Variants in TTLL3 observed in about 807,000 individuals in gnomAD.
The protein encoded by TTLL3 is tubulin monoglycylase TTLL3.
In TTLL3, 63 loss-of-function variants were observed where a neutral mutation model predicts 75.2. The observed-to-expected ratio is 0.84, with a 90% CI of 0.68 to 1.03. TTLL3 has a LOEUF of 1.03. TTLL3 is among the 50% of genes least tolerant of loss of function. TTLL3 has a pLI of 0.00. For synonymous variants in TTLL3, 393 were observed against 418.5 expected, an observed-to-expected ratio of 0.94 and a Z score of 0.74; for missense variants, 997 against 1,069.9, an observed-to-expected ratio of 0.93 and a Z score of 0.95.
chr3:9,814,599 G>C (rs2079650207), intron 4 of TTLL3, among the ~76,000 whole-genome samples: 2 of 151,874 alleles, frequency 1.3e-5, no homozygotes, highest in South Asian at 4.1e-4. Context: ...AGTGAGCTGA[G>C]ATCGCGCCAC....
Position 9,813,786 on chromosome 3 carries a change from A to G in TTLL3, c.315+441A>G, listed in dbSNP as rs9826830. Among the ~76,000 whole-genome samples the G allele has an allele frequency of 2.1e-3, 327 of 152,204 alleles. 2 individuals carry two copies. Among genetic ancestry groups the G allele is most frequent in the African/African-American group, 7.4e-3 (307 of 41,534 alleles). ...GGCAGCAAAGCAAGACTCTATCTCT[A>G]AAAAAGAAATAAGTGAATAAAGGCT... On this transcript the variant is annotated intron_variant, in intron 4 of 13. Coordinates refer to ENST00000685419, the MANE Select transcript of TTLL3 (RefSeq NM_001387446.1).
Position 9,813,264 on chromosome 3 carries a change from C to G in TTLL3, c.234C>G (p.Asp78Glu), listed in dbSNP as rs748600926. 1.2e-6 allele frequency: 2 copies of G among 1,614,174 alleles called. No homozygotes were observed. The highest frequency in any genetic ancestry group is 1.7e-5 in the Admixed American group (1 of 60,022). The change falls in exon 4 of 14, where the codon GAC (aspartate) becomes GAG (glutamate). Residue 78 changes from aspartate to glutamate, a missense_variant. Transcript: ENST00000685419. ...CATCCACAGAGGATGAAGATGAGGA[C>G]GAGGAGTTCCAGCCATCACAGCTGT... ...DTTEDEDEDE[D>E]EEFQPSQLFD...
In TTLL3 at chr3:9,835,622, G is replaced by A. The variant is rs1438324182; in HGVS notation, c.*133G>A. ...GAGCGTGAGCCTTCACTTTACAGATGAAGAAACTGAGTCTGAAAGAGGAGG... is the reference window on the plus strand; with the variant it reads ...GAGCGTGAGCCTTCACTTTACAGATAAAGAAACTGAGTCTGAAAGAGGAGG... On this transcript the variant is annotated 3_prime_UTR_variant, in exon 14 of 14. Transcript: ENST00000685419. 4 of 884,826 alleles carry A rather than the reference G, an allele frequency of 4.5e-6. No individual in the cohort carries two copies. Among genetic ancestry groups the A allele is most frequent in the Non-Finnish European group, 6.7e-6 (4 of 593,928 alleles). 54.8% of individuals were successfully genotyped at this position (884,826 alleles called of 1,614,324 possible). A position where few individuals can be genotyped will look rare whatever the true frequency, so the allele number is the denominator to read the frequency against.
At position 9,825,368 on chromosome 3, in the gene TTLL3, G is replaced by C. The variant is rs535309174; in HGVS notation, c.855-432G>C. 2.3e-4 allele frequency: 41 copies of C among 182,170 alleles called. 1 individual carries two copies. The South Asian group carries it at 2.9e-3, about 13-fold the overall frequency. The allele number at this position is 182,170 out of a possible 1,614,324, so 11.3% of individuals were successfully genotyped here. On this transcript the variant is annotated intron_variant, in intron 8 of 13. Transcript: ENST00000685419. ...AAAAAAAAAAAAGTCGGGGGGTAGG[G>C]GGTGGGTACTAGTAATACTTCCCTG... is the stretch of plus-strand genomic sequence containing the variant.
chr3:9,829,251 C>A lies in TTLL3; in HGVS notation c.1539C>A (p.Ile513=). ...GEDFQPWLIE[I]NASPTMAPST... ...ACTTCCAGCCCTGGCTGATTGAGAT[C>A]AACGCCAGCCCCACGATGGCACCCT... The change falls in exon 11 of 14, where the codon ATC becomes ATA. Residue 513 remains isoleucine, a synonymous_variant. Transcript: ENST00000685419. 1 of 1,614,216 alleles carries A rather than the reference C, an allele frequency of 6.2e-7. No homozygotes were observed. Among genetic ancestry groups the A allele is most frequent in the African/African-American group, 1.3e-5 (1 of 75,062 alleles).
intron 11 of TTLL3, among the ~76,000 whole-genome samples, chr3:9,831,923 AGCT>A (rs1268269004): frequency 4.7e-5 from 7 of 148,264 alleles, no homozygotes; most frequent in Non-Finnish European, 8.9e-5. Flanking sequence ...GATCCCGAGT[AGCT>A]GGGATTACAG....
intron 7 of TTLL3, chr3:9,820,325 T>G: frequency 7.2e-7 from 1 of 1,390,510 alleles, no homozygotes; most frequent in Non-Finnish European, 9.3e-7. Flanking sequence ...GAGCCTCGAG[T>G]GACAGGTCCT....
At chr3:9,824,745 T>C (rs1004864850) in intron 8 of TTLL3, among the ~76,000 whole-genome samples, 1 of 141,240 alleles carries the variant, frequency 7.1e-6, no homozygotes, top group African/African-American at 2.6e-5. Flanking sequence ...TTCTTTTTTT[T>C]TTTTTTTTTT....
At chr3:9,818,062 G>T in intron 6 of TTLL3, 1 of 241,680 alleles carries the variant, frequency 4.1e-6, no homozygotes, top group Admixed American at 5.2e-5. Context: ...CTTATATCAA[G>T]TTCCATTTGT....
At chr3:9,811,765 C>T (rs2079374061) in intron 2 of TTLL3, among the ~76,000 whole-genome samples, 1 of 152,218 alleles carries the variant, frequency 6.6e-6, no homozygotes, top group Non-Finnish European at 1.5e-5. Context: ...TTTCCATGTT[C>T]CACTCACTCT....
At chr3:9,829,703 G>A (rs1444800460) in intron 11 of TTLL3, among the ~76,000 whole-genome samples, 1 of 152,150 alleles carries the variant, frequency 6.6e-6, no homozygotes, top group Non-Finnish European at 1.5e-5. Flanking sequence ...TCAAATTCCT[G>A]TTCAGTGACA....
chr3:9,834,835 G>A lies in TTLL3; in HGVS notation c.1980G>A (p.Thr660=), dbSNP rs775608015. The part of the protein sequence containing the change: ...TTGKALRTLP[T]AKVFISLPPN... ...GCAAGGCCTTGAGGACTCTACCCAC[G>A]GCTAAGGTCTTCATTTCCCTCCCAC... The change falls in exon 13 of 14, where the codon ACG becomes ACA. Residue 660 remains threonine, a synonymous_variant. Transcript: ENST00000685419. The A allele has an allele frequency of 2.4e-5, 38 of 1,614,212 alleles. No homozygotes were observed. The highest frequency in any genetic ancestry group is 1.6e-4 in the Middle Eastern group (1 of 6,062).
chr3:9,820,836 C>T (rs2080341332), intron 8 of TTLL3, 95 bp downstream of exon 8: 1 of 1,510,078 alleles, frequency 6.6e-7, no homozygotes, highest in South Asian at 1.3e-5. Flanking sequence ...CCCCAAGCCT[C>T]CCGCTCGTTT....
intron 7 of TTLL3, chr3:9,820,319 C>G: frequency 7.2e-7 from 1 of 1,384,240 alleles, no homozygotes; most frequent in Non-Finnish European, 9.3e-7. Flanking sequence ...AGGGCAGAGC[C>G]TCGAGTGACA....
rs2079240897 is a variant in TTLL3 at position 9,810,471 on chromosome 3, G to T, written c.-42+77G>T. The stretch of plus-strand genomic sequence containing the variant: ...CAAGACGCTGGGGTGGAGGGACTGG[G>T]GGTCGGGAGAAGAGCGGCTGAGGGT... On this transcript the variant is annotated intron_variant, in intron 1 of 13. Transcript: ENST00000685419. The surrounding 1 kb of genome is among the most constrained non-coding windows in gnomAD (Gnocchi z 4.4). 1.4e-6 allele frequency: 2 copies of T among 1,443,028 alleles called. No individual in the cohort carries two copies. Among genetic ancestry groups the T allele is most frequent in the Non-Finnish European group, 1.8e-6 (2 of 1,100,642 alleles). The allele number at this position is 1,443,028 out of a possible 1,614,324, so 89.4% of individuals were successfully genotyped here.
In TTLL3 at chr3:9,810,730, G is replaced by A; in HGVS notation, c.48+21G>A. On this transcript the variant is annotated intron_variant, in intron 2 of 13. Coordinates refer to ENST00000685419, the MANE Select transcript of TTLL3 (RefSeq NM_001387446.1). The surrounding 1 kb of genome is among the most constrained non-coding windows in gnomAD (Gnocchi z 4.4). ...TCAAGGTCAGAGGAGGGGCAGGGGCGCTTAGAAAGGGCCCTGGGAGCGGCT... is the reference window on the plus strand; with the variant it reads ...TCAAGGTCAGAGGAGGGGCAGGGGCACTTAGAAAGGGCCCTGGGAGCGGCT... 1 of 1,571,798 alleles carries A rather than the reference G, an allele frequency of 6.4e-7. No individual in the cohort carries two copies. Among genetic ancestry groups the A allele is most frequent in the Non-Finnish European group, 8.6e-7 (1 of 1,157,890 alleles).
Position 9,835,029 on chromosome 3 carries a change from C to T in TTLL3, c.2053-65C>T, listed in dbSNP as rs2081953564. The T allele has an allele frequency of 1.9e-6, 3 of 1,590,382 alleles. No individual in the cohort carries two copies. In the East Asian group the frequency reaches 6.7e-5, roughly 36 times the overall value. On this transcript the variant is annotated intron_variant, in intron 13 of 13. Coordinates refer to ENST00000685419, the MANE Select transcript of TTLL3 (RefSeq NM_001387446.1). The stretch of plus-strand genomic sequence containing the variant: ...CACCCCAAGGGAAGAGCTGGTCTCC[C>T]TCAGAAGCCCCTTCCTCCACAGACT...
rs2081969222 is a variant in TTLL3 at position 9,835,292 on chromosome 3, A to G, written c.2251A>G (p.Thr751Ala). 21 of 1,614,206 alleles carry G rather than the reference A, an allele frequency of 1.3e-5. No homozygotes were observed. Among genetic ancestry groups the G allele is most frequent in the Non-Finnish European group, 1.6e-5 (19 of 1,180,024 alleles). Residue 751 changes from threonine to alanine, a missense_variant, in exon 14 of 14, where the codon ACA becomes GCA. Thr to Ala is a moderately conservative substitution (Grantham distance 58, BLOSUM62 0). Transcript: ENST00000685419. ...SPLKPLPLVG[T>A]FQRRRGLGDM... ...CCTGAAACCCCTGCCCCTTGTTGGTACATTCCAGAGGCGCAGGGGCCTGGG... is the reference window on the plus strand; with the variant it reads ...CCTGAAACCCCTGCCCCTTGTTGGTGCATTCCAGAGGCGCAGGGGCCTGGG...
intron 9 of TTLL3, among the ~76,000 whole-genome samples, chr3:9,826,772 C>T (rs1235231816): frequency 6.6e-6 from 1 of 150,486 alleles, no homozygotes; most frequent in Non-Finnish European, 1.5e-5. Context: ...AATTTGTATC[C>T]ATGTATGTAT....
Sources: gnomAD v4.1 joint callset for allele counts (sites outside exome capture counted in the v4.1 genomes callset) on GRCh38, gnomAD v4.1.1 for gene constraint, Gnocchi (gnomAD v3.1) non-coding constraint, MANE v1.5 for transcripts, NCBI Gene and HGNC (gene_info 2026-07-23, HGNC 2026-07-21) for gene names.